ADGB: variants seen among roughly 807,000 people sequenced by gnomAD.
ADGB encodes androglobin, also known as calpain-7-like protein.
ADGB carries 172 observed loss-of-function variants against 210.5 expected under a neutral mutation model. The ratio of observed to expected loss-of-function variants is 0.82; its 90% CI spans 0.72 to 0.93. The LOEUF (loss-of-function observed/expected upper bound fraction) is 0.93. Ranked by LOEUF, ADGB falls within the 40% of genes least tolerant of loss-of-function variation. ADGB has a pLI of 0.00. For synonymous variants in ADGB, 658 were observed against 662.7 expected, an observed-to-expected ratio of 0.99 and a Z score of 0.11; for missense variants, 2,025 against 1,964.8, an observed-to-expected ratio of 1.03 and a Z score of -0.58.
intron 29 of ADGB, among the ~76,000 whole-genome samples, chr6:146,772,916 G>A (rs1204314208): frequency 2.0e-5 from 3 of 151,678 alleles, no homozygotes; most frequent in African/African-American, 4.9e-5. Flanking sequence ...TAGAAGTAGC[G>A]GGAAGGAGAA....
chr6:146,663,367 G>T (rs1775893657), intron 5 of ADGB, among the ~76,000 whole-genome samples: 1 of 151,430 alleles, frequency 6.6e-6, no homozygotes, highest in South Asian at 2.1e-4. Context: ...GGTAGATTTG[G>T]TGTCTGGCAA....
rs1244253803 is a variant in ADGB at position 146,752,523 on chromosome 6, T to A, written c.3366-7T>A. 4 of 1,533,722 alleles carry A rather than the reference T, an allele frequency of 2.6e-6. No homozygotes were observed. Among genetic ancestry groups the A allele is most frequent in the Non-Finnish European group, 3.5e-6 (4 of 1,139,446 alleles). On this transcript the variant is annotated splice_polypyrimidine_tract_variant and splice_region_variant and intron_variant, in intron 26 of 35. Transcript: ENST00000397944. Reference sequence around the variant, plus strand: ...TTGCTTATAATGTTAACTTTTTTTCTTTACAGGTATTCGGTTAAAGTTCTA... The same window carrying A: ...TTGCTTATAATGTTAACTTTTTTTCATTACAGGTATTCGGTTAAAGTTCTA...
intron 13 of ADGB, among the ~76,000 whole-genome samples, chr6:146,713,256 A>G (rs1279248931): frequency 3.3e-5 from 5 of 152,180 alleles, no homozygotes; most frequent in African/African-American, 1.2e-4. Context: ...TCTGCTTTCA[A>G]TGCTTTTGGG....
In ADGB at chr6:146,656,826, G is replaced by A; in HGVS notation, c.458G>A (p.Gly153Glu). ...IYAVWKIFNG[G>E]ILSNYFKGTS... ...GCAGTGTGGAAGATCTTCAATGGAG[G>A]AATTTTGAGCAATTATTTTAAGGGG... The change falls in exon 5 of 36, where the codon GGA becomes GAA. Residue 153 changes from glycine to glutamate, a missense_variant. Physicochemically the swap from Gly to Glu is moderately conservative, Grantham distance 98. Coordinates refer to ENST00000397944, the MANE Select transcript of ADGB (RefSeq NM_024694.4). The A allele has an allele frequency of 1.3e-6, 2 of 1,551,380 alleles. No homozygotes were observed. Among genetic ancestry groups the A allele is most frequent in the Non-Finnish European group, 1.7e-6 (2 of 1,146,710 alleles).
At chr6:146,747,113 G>A (rs1264628925) in intron 26 of ADGB, among the ~76,000 whole-genome samples, 1 of 152,066 alleles carries the variant, frequency 6.6e-6, no homozygotes, top group Non-Finnish European at 1.5e-5. Flanking sequence ...ATTGATTGAA[G>A]GCAAGAATCA....
In ADGB at chr6:146,718,929, T is replaced by G. The variant is rs182508095; in HGVS notation, c.1992+1330T>G. Among the ~76,000 whole-genome samples, 67 of 118,758 alleles carry G rather than the reference T, an allele frequency of 5.6e-4. 1 individual carries two copies. Among genetic ancestry groups the G allele is most frequent in the Non-Finnish European group, 1.2e-3 (58 of 48,562 alleles). The allele number at this position is 118,758 out of a possible 152,430, so 77.9% of individuals were successfully genotyped here. ...AAACACCTAGAGGAATACTTTGACT[T>G]TATAGAGATAACACAACAATTAATT... On this transcript the variant is annotated intron_variant, in intron 16 of 35. Coordinates refer to ENST00000397944, the MANE Select transcript of ADGB (RefSeq NM_024694.4).
intron 35 of ADGB, among the ~76,000 whole-genome samples, chr6:146,810,109 C>T (rs778707284): frequency 6.6e-6 from 1 of 151,960 alleles, no homozygotes; most frequent in Non-Finnish European, 1.5e-5. Flanking sequence ...AACTCAATAG[C>T]AAAAAAAGCA....
rs371698240 is a variant in ADGB, at chr6:146,788,671, A to C, written c.4537+61A>C. On this transcript the variant is annotated intron_variant, in intron 33 of 35. Coordinates refer to ENST00000397944, the MANE Select transcript of ADGB (RefSeq NM_024694.4). Reference sequence around the variant, plus strand: ...TTTTCAAATAAAAATTATGGAAAAGATTTTAACTTAAACATCAGTGACGGC... The same window carrying C: ...TTTTCAAATAAAAATTATGGAAAAGCTTTTAACTTAAACATCAGTGACGGC... 1.3e-5 allele frequency: 19 copies of C among 1,453,786 alleles called. No homozygotes were observed. In the African/African-American group the frequency reaches 2.0e-4, roughly 15 times the overall value. The allele number at this position is 1,453,786 out of a possible 1,614,324, so 90.1% of individuals were successfully genotyped here.
intron 25 of ADGB, among the ~76,000 whole-genome samples, chr6:146,744,541 T>C (rs1777202453): frequency 6.6e-6 from 1 of 152,242 alleles, no homozygotes; most frequent in Non-Finnish European, 1.5e-5. Context: ...ACATGCTTTT[T>C]ATGAGCTGCG....
At chr6:146,646,248 G>A (rs76877252) in intron 3 of ADGB, among the ~76,000 whole-genome samples, 4,947 of 152,088 alleles carry the variant, frequency 0.033, 274 homozygotes, top group African/African-American at 0.11. Flanking sequence ...CAATGGTCAA[G>A]GTTTTATTTT....
At chr6:146,718,430 A>G (rs1158981805) in intron 16 of ADGB, among the ~76,000 whole-genome samples, 1 of 150,728 alleles carries the variant, frequency 6.6e-6, no homozygotes, top group Non-Finnish European at 1.5e-5. Context: ...CACCCTCCCA[A>G]CTTTCTGATT....
intron 13 of ADGB, among the ~76,000 whole-genome samples, chr6:146,708,262 T>C (rs548954366): frequency 2.0e-5 from 3 of 152,238 alleles, no homozygotes; most frequent in Admixed American, 1.3e-4. Context: ...AACATCACCA[T>C]TACAGTATTA....
chr6:146,703,778 T>C (rs1353977816), intron 13 of ADGB, among the ~76,000 whole-genome samples: 1 of 151,864 alleles, frequency 6.6e-6, no homozygotes, highest in East Asian at 1.9e-4. Flanking sequence ...AAGGCAGGTA[T>C]CTCTTTCTTC....
chr6:146,694,052 T>A (rs1279564693), intron 12 of ADGB, among the ~76,000 whole-genome samples: 1 of 152,160 alleles, frequency 6.6e-6, no homozygotes, highest in African/African-American at 2.4e-5. Flanking sequence ...TCCAGAATCA[T>A]CTTTAAAGGT....
intron 8 of ADGB, among the ~76,000 whole-genome samples, chr6:146,673,589 A>G (rs978468164): frequency 3.3e-5 from 5 of 152,042 alleles, no homozygotes; most frequent in Non-Finnish European, 5.9e-5. Context: ...GCAATTCTCT[A>G]CTTTGATGCT....
chr6:146,619,023 A>G (rs1203723846), intron 1 of ADGB, among the ~76,000 whole-genome samples: 1 of 149,068 alleles, frequency 6.7e-6, no homozygotes. Context: ...TGCTTTACAT[A>G]TCTGAGTTCT....
intron 1 of ADGB, among the ~76,000 whole-genome samples, chr6:146,603,053 C>T (rs2114821889): frequency 6.6e-6 from 1 of 152,172 alleles, no homozygotes; most frequent in South Asian, 2.1e-4. Context: ...GACAATAATC[C>T]CATCATGAGG....
At chr6:146,701,464 A>G (rs1351808489) in intron 13 of ADGB, among the ~76,000 whole-genome samples, 2 of 152,040 alleles carry the variant, frequency 1.3e-5, no homozygotes, top group Non-Finnish European at 2.9e-5. Context: ...AGTCTATCAC[A>G]GTGTTAGTGG....
At chr6:146,786,603 T>C (rs1292741769) in intron 32 of ADGB, among the ~76,000 whole-genome samples, 1 of 152,202 alleles carries the variant, frequency 6.6e-6, no homozygotes, top group East Asian at 1.9e-4. Flanking sequence ...TATGTATTAC[T>C]TAGTCTACTC....
Sources: allele counts gnomAD v4.1 joint callset (sites outside exome capture counted in the v4.1 genomes callset), GRCh38; gene constraint gnomAD v4.1.1; transcripts MANE v1.5; gene names NCBI Gene and HGNC (gene_info 2026-07-23, HGNC 2026-07-21).